The following FGF12 variants were observed in gnomAD, a reference collection of about 807,000 sequenced individuals.
The protein encoded by FGF12 is fibroblast growth factor 12B.
In FGF12, 14 loss-of-function variants were observed where a neutral mutation model predicts 23.6. That is an observed-to-expected ratio of 0.59 (90% CI 0.39 to 0.93). The LOEUF is 0.93. Ranked by LOEUF, FGF12 falls within the 40% of genes least tolerant of loss-of-function variation. FGF12 has a pLI of 0.00. For missense variants in FGF12, 175 were observed against 217.8 expected, an observed-to-expected ratio of 0.80 and a Z score of 1.24; for synonymous variants, 62 against 77.3, an observed-to-expected ratio of 0.80 and a Z score of 1.04.
chr3:192,691,665 G>C (rs190759357), intron 2 of FGF12, among the ~76,000 whole-genome samples: 1 of 151,730 alleles, frequency 6.6e-6, no homozygotes, highest in Non-Finnish European at 1.5e-5. Context: ...AAAGTTAGCA[G>C]AAGAAAAAAA....
At chr3:192,168,901 C>T (rs1368439294) in intron 5 of FGF12, among the ~76,000 whole-genome samples, 1 of 152,114 alleles carries the variant, frequency 6.6e-6, no homozygotes, top group African/African-American at 2.4e-5. Context: ...ATGTTTAGTT[C>T]TACTTGAAGA....
At chr3:192,688,094 GGT>G (rs1717820427) in intron 2 of FGF12, among the ~76,000 whole-genome samples, 1 of 151,746 alleles carries the variant, frequency 6.6e-6, no homozygotes, top group African/African-American at 2.4e-5. Context: ...CACTGACTAT[GGT>G]CCCCATCACT....
intron 4 of FGF12, among the ~76,000 whole-genome samples, chr3:192,270,897 G>T (rs910901794): frequency 7.2e-5 from 11 of 152,060 alleles, no homozygotes; most frequent in Non-Finnish European, 1.6e-4. Flanking sequence ...GGGTGTTGGT[G>T]GATGTTAGAA....
At position 192,144,144 on chromosome 3, in the gene FGF12, C is replaced by T. The variant is rs771839343; in HGVS notation, c.428-17G>A. ...ACATACACACTGAAAGGCAAAATAACAAAAATTACTTATGACAGTGGACAT... is the reference window on the plus strand; with the variant it reads ...ACATACACACTGAAAGGCAAAATAATAAAAATTACTTATGACAGTGGACAT... On this transcript the variant is annotated splice_polypyrimidine_tract_variant and intron_variant, in intron 5 of 5. Transcript: ENST00000445105. 2.7e-6 allele frequency: 4 copies of T among 1,470,402 alleles called. No homozygotes were observed. Among genetic ancestry groups the T allele is most frequent in the Admixed American group, 1.7e-5 (1 of 57,182 alleles). The allele number at this position is 1,470,402 out of a possible 1,614,324, so 91.1% of individuals were successfully genotyped here.
intron 4 of FGF12, among the ~76,000 whole-genome samples, chr3:192,223,231 A>C (rs918374605): frequency 1.3e-5 from 2 of 152,120 alleles, no homozygotes; most frequent in East Asian, 3.9e-4. Context: ...TAAAAACAAC[A>C]CAAAGCCCTC....
intron 2 of FGF12, among the ~76,000 whole-genome samples, chr3:192,394,267 G>A (rs1720427794): frequency 6.6e-6 from 1 of 152,130 alleles, no homozygotes; most frequent in Admixed American, 6.5e-5. Flanking sequence ...TACCTTGAAG[G>A]CCTGTCAAAA....
chr3:192,599,659 T>C (rs1560164836), intron 2 of FGF12, among the ~76,000 whole-genome samples: 1 of 152,078 alleles, frequency 6.6e-6, no homozygotes. Context: ...TAATAAATAT[T>C]TATTGAGGAC....
Position 192,335,212 on chromosome 3 carries a change from CA to C in FGF12, c.228+148del, listed in dbSNP as rs1423580094. The C allele has an allele frequency of 8.7e-5, 52 of 598,976 alleles. No individual in the cohort carries two copies. In the Middle Eastern group the frequency reaches 4.1e-3, roughly 47 times the overall value. 37.1% of individuals were successfully genotyped at this position (598,976 alleles called of 1,614,324 possible). On this transcript the variant is annotated intron_variant, in intron 4 of 5. Transcript: ENST00000445105. ...ACATGGTCCTTAACACTCTAAATTA[CA>C]AAACCTCAAAATAATCCCGAAAAAC...
intron 4 of FGF12, among the ~76,000 whole-genome samples, chr3:192,225,111 T>A (rs528894728): frequency 2.6e-5 from 4 of 152,142 alleles, no homozygotes; most frequent in African/African-American, 9.6e-5. Context: ...AAAAAAAGTA[T>A]CATTAGCCAC....
At chr3:192,686,414 C>T (rs534368045) in intron 2 of FGF12, among the ~76,000 whole-genome samples, 1 of 152,274 alleles carries the variant, frequency 6.6e-6, no homozygotes, top group South Asian at 2.1e-4. Context: ...AGACATCCCA[C>T]ACCACTCCCC....
At chr3:192,186,018 G>C (rs1716447476) in intron 4 of FGF12, among the ~76,000 whole-genome samples, 1 of 152,048 alleles carries the variant, frequency 6.6e-6, no homozygotes, top group African/African-American at 2.4e-5. Context: ...TATAATATGA[G>C]AGAATAAACA....
At chr3:192,602,725 A>C (rs79018316) in intron 2 of FGF12, among the ~76,000 whole-genome samples, 22,335 of 149,740 alleles carry the variant, frequency 0.15, 1,648 homozygotes, top group Middle Eastern at 0.19. Flanking sequence ...AAAGGCCCAA[A>C]AAAAAAAAAA....
chr3:192,482,648 A>G (rs73070259), intron 2 of FGF12, among the ~76,000 whole-genome samples: 1 of 152,112 alleles, frequency 6.6e-6, no homozygotes, highest in Non-Finnish European at 1.5e-5. Context: ...AACAAAAAAC[A>G]AAAAAAGAAC....
intron 2 of FGF12, among the ~76,000 whole-genome samples, chr3:192,422,108 T>C (rs1245696229): frequency 1.3e-5 from 2 of 152,080 alleles, no homozygotes; most frequent in African/African-American, 4.8e-5. Context: ...CTTAGATAAC[T>C]GTTGGTGAAC....
At chr3:192,316,834 C>T (rs1255296288) in intron 4 of FGF12, among the ~76,000 whole-genome samples, 1 of 152,182 alleles carries the variant, frequency 6.6e-6, no homozygotes, top group Non-Finnish European at 1.5e-5. Context: ...ACGGGAGAGA[C>T]ATCTTCCTTC....
intron 4 of FGF12, among the ~76,000 whole-genome samples, chr3:192,306,002 A>T (rs946251854): frequency 1.3e-5 from 2 of 151,630 alleles, no homozygotes; most frequent in African/African-American, 4.9e-5. Flanking sequence ...CTGGGACTAC[A>T]GGCGCCTGCC....
intron 2 of FGF12, among the ~76,000 whole-genome samples, chr3:192,571,179 T>G (rs190825363): frequency 1.3e-5 from 2 of 152,226 alleles, no homozygotes; most frequent in African/African-American, 4.8e-5. Flanking sequence ...ACTGTCAATG[T>G]CAAATGTGAA....
chr3:192,181,534 G>A (rs972679504), intron 4 of FGF12, among the ~76,000 whole-genome samples: 1 of 151,976 alleles, frequency 6.6e-6, no homozygotes, highest in African/African-American at 2.4e-5. Flanking sequence ...CACAAAACAT[G>A]GATGCAAGCA....
intron 4 of FGF12, among the ~76,000 whole-genome samples, chr3:192,240,441 A>C (rs549805560): frequency 6.6e-6 from 1 of 152,342 alleles, no homozygotes; most frequent in African/African-American, 2.4e-5. Context: ...AAACCAATAT[A>C]AATATGTTTA....
Sources: allele counts gnomAD v4.1 joint callset (sites outside exome capture counted in the v4.1 genomes callset), GRCh38; gene constraint gnomAD v4.1.1; transcripts MANE v1.5; gene names NCBI Gene and HGNC (gene_info 2026-07-23, HGNC 2026-07-21).